Variants in BORCS8 observed in about 807,000 individuals in gnomAD.
The protein encoded by BORCS8 is BLOC-1-related complex subunit 8.
Under a neutral mutation model 18.7 loss-of-function variants are expected in BORCS8, and 13 were observed. The observed-to-expected ratio is 0.70, with a 90% CI of 0.45 to 1.11. The LOEUF (loss-of-function observed/expected upper bound fraction) is 1.11, where lower values mean the gene tolerates loss of function less well. BORCS8 is among the 50% of genes least tolerant of loss of function. BORCS8 has a pLI of 0.00. For synonymous variants in BORCS8, 68 were observed against 64.8 expected (o/e 1.05, Z -0.24); for missense variants, 165 against 165.7 (o/e 1.00, Z 0.02).
chr19:19,188,580 A>G (rs988360144), intron 1 of BORCS8, among the ~76,000 whole-genome samples: 6 of 152,100 alleles, frequency 3.9e-5, no homozygotes, highest in African/African-American at 1.4e-4. Context: ...GAGCATGCCC[A>G]CAGGACCTGA....
chr19:19,179,378 T>C (rs1043785954), intron 5 of BORCS8: 2 of 152,680 alleles, frequency 1.3e-5, no homozygotes, highest in African/African-American at 4.8e-5. Flanking sequence ...TCAGGAAGTA[T>C]GCATCAACTG....
intron 1 of BORCS8, 37 bp downstream of exon 1, chr19:19,192,044 A>G: frequency 6.5e-7 from 1 of 1,549,690 alleles, no homozygotes; most frequent in Non-Finnish European, 8.7e-7. Context: ...TCCACAAGTT[A>G]CCGGCCCCCT....
At chr19:19,181,889 G>A (rs961962119) in intron 4 of BORCS8, 2 of 985,304 alleles carry the variant, frequency 2.0e-6, no homozygotes, top group African/African-American at 3.5e-5. Context: ...GTGTTCATAA[G>A]CGTGTTTATT....
chr19:19,187,068 T>C lies in BORCS8; in HGVS notation c.38-63A>G, dbSNP rs568252690. ...GACAAAGCGTCAGCCTCCTCATTGC[T>C]CAAGTGTTGAGCCCAGCCAGAGCAA... On this transcript the variant is annotated intron_variant, in intron 1 of 5. Transcript: ENST00000462790. 6.8e-6 allele frequency: 9 copies of C among 1,323,346 alleles called. No homozygotes were observed. The African/African-American group carries it at 1.0e-4, about 15-fold the overall frequency. 82.0% of individuals were successfully genotyped at this position (1,323,346 alleles called of 1,614,324 possible). A position where few individuals can be genotyped will look rare whatever the true frequency, so the allele number is the denominator to read the frequency against.
intron 1 of BORCS8, among the ~76,000 whole-genome samples, chr19:19,190,744 C>A (rs1337909084): frequency 6.6e-6 from 1 of 151,992 alleles, no homozygotes; most frequent in Non-Finnish European, 1.5e-5. Context: ...GCCATGATCA[C>A]GCCATTGCAC....
intron 1 of BORCS8, among the ~76,000 whole-genome samples, chr19:19,188,462 G>A (rs1255251320): frequency 6.6e-6 from 1 of 151,938 alleles, no homozygotes; most frequent in African/African-American, 2.4e-5. Context: ...CTGGCCCCCA[G>A]TGAACTCTTC....
chr19:19,180,220 G>A (rs2060335157), intron 5 of BORCS8: 1 of 195,178 alleles, frequency 5.1e-6, no homozygotes, highest in Admixed American at 5.4e-5. Context: ...TAAATGCAGA[G>A]ACCAGAGAGG....
intron 3 of BORCS8, among the ~76,000 whole-genome samples, chr19:19,185,011 G>A (rs1482088255): frequency 6.6e-5 from 10 of 152,214 alleles, no homozygotes; most frequent in African/African-American, 1.7e-4. Flanking sequence ...AACTATAGGC[G>A]TGCATAACCA....
chr19:19,177,683 AGGAAGGAAG>A (rs753822372), intron 5 of BORCS8: 763 of 76,284 alleles, frequency 0.01, 28 homozygotes, highest in South Asian at 0.016. Context: ...GAAGGAAGGA[AGGAAGGAAG>A]GAAGAGAAAA....
chr19:19,183,725 C>T (rs1184285916), intron 3 of BORCS8, among the ~76,000 whole-genome samples: 1 of 151,394 alleles, frequency 6.6e-6, no homozygotes, highest in Admixed American at 6.6e-5. Context: ...GCTGGGATTA[C>T]AGGTGCCCAC....
chr19:19,180,737 G>A lies in BORCS8; in HGVS notation c.351C>T (p.Ser117=). ...GHSPEEPPPP[S]SA ...CGAGTCTCTTCCAGGATCAGGCTGA[G>A]GAGGGCGGGGGTGGTTCCTCCGGGC... is the stretch of plus-strand genomic sequence containing the variant. The change falls in exon 5 of 6, where the codon TCC becomes TCT. Residue 117 remains serine (S), a synonymous_variant. Coordinates refer to ENST00000462790, the MANE Select transcript of BORCS8 (RefSeq NM_001145784.2). 3 of 1,550,148 alleles carry A rather than the reference G, an allele frequency of 1.9e-6. No homozygotes were observed. Among genetic ancestry groups the A allele is most frequent in the Non-Finnish European group, 2.6e-6 (3 of 1,146,552 alleles).
Position 19,192,135 on chromosome 19 carries a change from G to C in BORCS8, c.-18C>G. 1.3e-6 allele frequency: 2 copies of C among 1,551,112 alleles called. No homozygotes were observed. The highest frequency in any genetic ancestry group is 2.4e-5 in the South Asian group (2 of 84,058). On this transcript the variant is annotated 5_prime_UTR_variant, in exon 1 of 6. Transcript: ENST00000462790. The stretch of plus-strand genomic sequence containing the variant: ...TCCTCCATAGCGACCGCGGCCGAGC[G>C]AACCGGGAAACGGCACCGGAAGCCC...
chr19:19,185,977 C>T, intron 3 of BORCS8, 57 bp downstream of exon 3: 3 of 1,520,826 alleles, frequency 2.0e-6, no homozygotes, highest in Non-Finnish European at 1.8e-6. Context: ...CCCCTGAATG[C>T]CCAGGAGGCC....
At chr19:19,178,425 G>A (rs2060320575) in intron 5 of BORCS8, 1 of 152,584 alleles carries the variant, frequency 6.6e-6, no homozygotes, top group Non-Finnish European at 1.5e-5. Flanking sequence ...CAGCACCTGA[G>A]GGATGACCCC....
chr19:19,191,222 G>T (rs1482294949), intron 1 of BORCS8, among the ~76,000 whole-genome samples: 1 of 151,916 alleles, frequency 6.6e-6, no homozygotes, highest in Non-Finnish European at 1.5e-5. Context: ...GGGCATGGGG[G>T]TGTGTGCCTG....
At chr19:19,185,047 CTTTT>C (rs1430123050) in intron 3 of BORCS8, among the ~76,000 whole-genome samples, 1 of 152,216 alleles carries the variant, frequency 6.6e-6, no homozygotes, top group East Asian at 1.9e-4. Flanking sequence ...ACTCCTATTT[CTTTT>C]CTTTTCCTTG....
intron 3 of BORCS8, among the ~76,000 whole-genome samples, chr19:19,183,404 C>T (rs1298505827): frequency 4.3e-5 from 6 of 140,256 alleles, no homozygotes; most frequent in East Asian, 4.9e-4. Context: ...AGCGAGACTC[C>T]GTCTCAAAAA....
At chr19:19,192,035 C>T in intron 1 of BORCS8, 46 bp downstream of exon 1, 1 of 1,550,298 alleles carries the variant, frequency 6.5e-7, no homozygotes, top group Non-Finnish European at 8.7e-7. Context: ...GGCCGCCCCT[C>T]CACAAGTTAC....
At chr19:19,184,870 G>A (rs781608790) in intron 3 of BORCS8, among the ~76,000 whole-genome samples, 4 of 152,086 alleles carry the variant, frequency 2.6e-5, no homozygotes, top group Non-Finnish European at 5.9e-5. Flanking sequence ...AAAGCACTGG[G>A]AGTACAGGCG....
Sources: allele counts gnomAD v4.1 joint callset (sites outside exome capture counted in the v4.1 genomes callset), GRCh38; gene constraint gnomAD v4.1.1; transcripts MANE v1.5; gene names NCBI Gene and HGNC (gene_info 2026-07-23, HGNC 2026-07-21).